The following METTL15 variants were observed in gnomAD, a reference collection of about 807,000 sequenced individuals.
The protein encoded by METTL15 is 12S rRNA N(4)-cytidine methyltransferase METTL15.
In METTL15, 34 loss-of-function variants were observed where a neutral mutation model predicts 38.3. The ratio of observed to expected loss-of-function variants is 0.89; its 90% CI spans 0.68 to 1.18. The LOEUF is 1.18. Among genes scored for constraint, METTL15 ranks in the 50% most tolerant of loss-of-function variants. The probability of loss-of-function intolerance (pLI) is 0.00; values close to 1 mark genes in which losing one functional copy is unlikely to be tolerated. For missense variants in METTL15, 438 were observed against 498.4 expected (o/e 0.88, Z 1.15); for synonymous variants, 162 against 170.9 (o/e 0.95, Z 0.41).
chr11:28,129,075 A>C (rs775223075), intron 3 of METTL15, among the ~76,000 whole-genome samples: 3 of 152,174 alleles, frequency 2.0e-5, no homozygotes, highest in Admixed American at 2.0e-4. Flanking sequence ...ATGATGGAGA[A>C]AGTCCTCATA....
chr11:28,313,237 C>T (rs1857368789), intron 6 of METTL15, among the ~76,000 whole-genome samples: 1 of 151,942 alleles, frequency 6.6e-6, no homozygotes, highest in Non-Finnish European at 1.5e-5. Context: ...TTTAAAACTA[C>T]CTATGCTAGT....
intron 3 of METTL15, among the ~76,000 whole-genome samples, chr11:28,351,442 T>C (rs1012727514): frequency 2.3e-4 from 35 of 152,180 alleles, no homozygotes; most frequent in African/African-American, 7.5e-4. Context: ...GAAACAATTA[T>C]TTATCAACAC....
intron 5 of METTL15, among the ~76,000 whole-genome samples, chr11:28,294,170 A>G (rs929916157): frequency 2.8e-4 from 43 of 152,340 alleles, no homozygotes; most frequent in African/African-American, 9.9e-4. Flanking sequence ...TTGCCCATTC[A>G]GTATGATATT....
chr11:28,354,336 T>C (rs928235460), intron 4 of METTL15, among the ~76,000 whole-genome samples: 2 of 152,138 alleles, frequency 1.3e-5, no homozygotes, highest in African/African-American at 4.8e-5. Context: ...GAGTAACATA[T>C]TGGGGGAGAG....
intron 3 of METTL15, among the ~76,000 whole-genome samples, chr11:28,208,709 G>C (rs1033769495): frequency 6.6e-6 from 1 of 152,014 alleles, no homozygotes; most frequent in Non-Finnish European, 1.5e-5. Flanking sequence ...TGACTGTGGG[G>C]TGTTAAAGTC....
At chr11:28,222,348 T>C (rs1300078426) in intron 4 of METTL15, among the ~76,000 whole-genome samples, 2 of 152,304 alleles carry the variant, frequency 1.3e-5, no homozygotes, top group Non-Finnish European at 2.9e-5. Flanking sequence ...AGGACCCTCC[T>C]AGCCATGCCC....
chr11:28,193,350 G>A (rs1851770717), intron 3 of METTL15, among the ~76,000 whole-genome samples: 1 of 152,132 alleles, frequency 6.6e-6, no homozygotes. Flanking sequence ...AGTCATAGCA[G>A]TAGGCTAAGG....
chr11:28,226,215 T>G (rs1853471703), intron 4 of METTL15, among the ~76,000 whole-genome samples: 1 of 151,966 alleles, frequency 6.6e-6, no homozygotes, highest in Admixed American at 6.6e-5. Context: ...GGAACATTCT[T>G]AACCTTTTTC....
chr11:28,206,031 C>A (rs1346037511), intron 3 of METTL15, among the ~76,000 whole-genome samples: 2 of 139,890 alleles, frequency 1.4e-5, no homozygotes, highest in Non-Finnish European at 3.1e-5. Flanking sequence ...GAGTAGGTTG[C>A]AAAAATTTTC....
chr11:28,268,629 G>A (rs1855526202), intron 4 of METTL15, among the ~76,000 whole-genome samples: 1 of 152,144 alleles, frequency 6.6e-6, no homozygotes, highest in Non-Finnish European at 1.5e-5. Context: ...CTAGTTTTAG[G>A]ATAAGGTAGT....
At chr11:28,122,455 GT>G (rs1157195281) in intron 3 of METTL15, among the ~76,000 whole-genome samples, 1 of 150,290 alleles carries the variant, frequency 6.7e-6, no homozygotes, top group African/African-American at 2.4e-5. Context: ...GTTTTTTAGA[GT>G]TTTAGAAGTA....
intron 3 of METTL15, among the ~76,000 whole-genome samples, chr11:28,182,253 A>G (rs1414259606): frequency 6.6e-6 from 1 of 152,004 alleles, no homozygotes; most frequent in East Asian, 1.9e-4. Flanking sequence ...GAAGCTCTTT[A>G]TTATAATTTG....
intron 3 of METTL15, among the ~76,000 whole-genome samples, chr11:28,186,753 A>G (rs1851509268): frequency 6.6e-6 from 1 of 151,146 alleles, no homozygotes; most frequent in Non-Finnish European, 1.5e-5. Context: ...ACCAGCCACT[A>G]TTGTAATATA....
intron 6 of METTL15, among the ~76,000 whole-genome samples, chr11:28,491,514 A>G (rs1277980840): frequency 2.0e-5 from 3 of 152,112 alleles, no homozygotes; most frequent in African/African-American, 7.2e-5. Context: ...CACCTGGGCT[A>G]TTGACTCTGC....
chr11:28,471,240 T>C (rs935884513), intron 6 of METTL15, among the ~76,000 whole-genome samples: 2 of 152,168 alleles, frequency 1.3e-5, no homozygotes, highest in Non-Finnish European at 2.9e-5. Flanking sequence ...GCAAGACTTC[T>C]GACCCAGCCT....
chr11:28,114,096 C>T (rs998470791), intron 3 of METTL15, among the ~76,000 whole-genome samples: 2 of 152,078 alleles, frequency 1.3e-5, no homozygotes, highest in Non-Finnish European at 2.9e-5. Flanking sequence ...GTTTGTCATC[C>T]CAGTATGAAA....
intron 5 of METTL15, among the ~76,000 whole-genome samples, chr11:28,391,701 A>G (rs1850510299): frequency 6.6e-6 from 1 of 152,198 alleles, no homozygotes; most frequent in Non-Finnish European, 1.5e-5. Context: ...CCTGACAAAA[A>G]CAAGAAATGG....
chr11:28,184,400 G>A (rs1230771020), intron 3 of METTL15, among the ~76,000 whole-genome samples: 1 of 151,956 alleles, frequency 6.6e-6, no homozygotes, highest in East Asian at 1.9e-4. Flanking sequence ...GGCATTTAAT[G>A]CTATAAATTT....
At chr11:28,289,836 T>G (rs1856439276) in intron 4 of METTL15, among the ~76,000 whole-genome samples, 1 of 152,182 alleles carries the variant, frequency 6.6e-6, no homozygotes, top group Non-Finnish European at 1.5e-5. Flanking sequence ...GGCTTACTCG[T>G]TATTCTTTTG....
Sources: allele counts gnomAD v4.1 joint callset (sites outside exome capture counted in the v4.1 genomes callset), GRCh38; gene constraint gnomAD v4.1.1; transcripts MANE v1.5; gene names NCBI Gene and HGNC (gene_info 2026-07-23, HGNC 2026-07-21).